ANKHD1: variants seen among roughly 807,000 people sequenced by gnomAD.
ANKHD1 encodes ankyrin repeat and KH domain containing 1.
A neutral mutation model predicts 230.5 loss-of-function variants in ANKHD1; 31 were observed. The ratio of observed to expected loss-of-function variants is 0.13; its 90% CI spans 0.10 to 0.18. ANKHD1 has a LOEUF of 0.18. Ranked by LOEUF, ANKHD1 falls within the 10% of genes least tolerant of loss-of-function variation. The pLI, the probability that ANKHD1 is intolerant of heterozygous loss-of-function variation, is 1.00. For missense variants in ANKHD1, 2,256 were observed against 3,071.3 expected, an observed-to-expected ratio of 0.73 and a Z score of 6.27; for synonymous variants, 1,074 against 1,117.6, an observed-to-expected ratio of 0.96 and a Z score of 0.78.
intron 3 of ANKHD1, 143 bp downstream of exon 3, chr5:140,438,760 G>GTA (rs1403916912): frequency 8.7e-7 from 1 of 1,146,314 alleles, no homozygotes; most frequent in Non-Finnish European, 1.2e-6. Flanking sequence ...ATATATAAAT[G>GTA]TATATGTATT....
At chr5:140,427,378 C>G (rs1194084579) in intron 1 of ANKHD1, among the ~76,000 whole-genome samples, 9 of 73,330 alleles carry the variant, frequency 1.2e-4, no homozygotes, top group South Asian at 1.1e-3. Context: ...GGGGCTGACC[C>G]CCCCCCACCT....
intron 1 of ANKHD1, among the ~76,000 whole-genome samples, chr5:140,410,777 A>G (rs1027243198): frequency 6.6e-6 from 1 of 152,138 alleles, no homozygotes; most frequent in African/African-American, 2.4e-5. Context: ...TGCTTATTAT[A>G]TACCAGTACC....
At chr5:140,498,692 T>C (rs991470212) in intron 15 of ANKHD1, among the ~76,000 whole-genome samples, 1 of 152,172 alleles carries the variant, frequency 6.6e-6, no homozygotes, top group Non-Finnish European at 1.5e-5. Context: ...AAACAGATTT[T>C]AGAATGTGAA....
chr5:140,486,071 G>GTT (rs960695753), intron 13 of ANKHD1: 154 of 213,864 alleles, frequency 7.2e-4, no homozygotes, highest in South Asian at 1.3e-3. Context: ...TTTTTCTTTT[G>GTT]TTTTTTTTTT....
At chr5:140,476,005 A>G (rs1306166493) in intron 10 of ANKHD1, among the ~76,000 whole-genome samples, 1 of 152,218 alleles carries the variant, frequency 6.6e-6, no homozygotes, top group Non-Finnish European at 1.5e-5. Context: ...ACCAGTAGCC[A>G]TAAAACAATG....
rs1754162311 is a variant in ANKHD1, at chr5:140,538,184, A to G, written c.7327A>G (p.Arg2443Gly). ...ATTCTCCCAACATCAGCCAATGGAG[A>G]GAGATGATTCTGGAATGGTAGCCCC... ...STFSQHQPME[R>G]DDSGMVAPSN... The change falls in exon 32 of 34, where the codon AGA becomes GGA. Residue 2443 changes from arginine to glycine, a missense_variant. This residue lies in a region of ANKHD1 where 778 missense variants were observed against 966.5 expected (regional missense o/e 0.80). Transcript: ENST00000360839. The G allele has an allele frequency of 1.9e-6, 3 of 1,614,080 alleles. No individual in the cohort carries two copies. Among genetic ancestry groups the G allele is most frequent in the Non-Finnish European group, 2.5e-6 (3 of 1,180,044 alleles).
intron 1 of ANKHD1, among the ~76,000 whole-genome samples, chr5:140,415,766 T>A (rs930738955): frequency 6.6e-6 from 1 of 152,004 alleles, no homozygotes; most frequent in African/African-American, 2.4e-5. Context: ...GTTAATTTTT[T>A]AAAATTTATT....
chr5:140,523,101 C>CT (rs1309087623), intron 24 of ANKHD1, among the ~76,000 whole-genome samples: 34 of 88,676 alleles, frequency 3.8e-4, no homozygotes, highest in East Asian at 6.6e-4. Flanking sequence ...TAATTTTTTT[C>CT]TTTTTCCTTT....
chr5:140,451,387 C>G (rs1036816701), intron 7 of ANKHD1, among the ~76,000 whole-genome samples: 1 of 152,016 alleles, frequency 6.6e-6, no homozygotes. Context: ...ATTAGTAAAA[C>G]TGAAATTTTA....
chr5:140,428,167 G>C (rs1258120092), intron 1 of ANKHD1, among the ~76,000 whole-genome samples: 3 of 151,234 alleles, frequency 2.0e-5, no homozygotes, highest in Non-Finnish European at 1.5e-5. Context: ...CAGCCAGGCA[G>C]AGGGGCTCCT....
intron 25 of ANKHD1, 100 bp downstream of exon 25, chr5:140,524,340 ATTACT>A (rs1392887647): frequency 3.6e-6 from 5 of 1,399,288 alleles, no homozygotes; most frequent in Non-Finnish European, 3.7e-6. Flanking sequence ...TAAACATTTG[ATTACT>A]TTATTAATCT....
At chr5:140,519,526 T>C (rs1470825847) in intron 24 of ANKHD1, among the ~76,000 whole-genome samples, 1 of 152,190 alleles carries the variant, frequency 6.6e-6, no homozygotes, top group Non-Finnish European at 1.5e-5. Flanking sequence ...GACTTCCAAC[T>C]ATACTACAAG....
At chr5:140,467,996 T>G (rs1183831475) in intron 10 of ANKHD1, among the ~76,000 whole-genome samples, 1 of 151,130 alleles carries the variant, frequency 6.6e-6, no homozygotes, top group South Asian at 2.1e-4. Context: ...GGAGATGTAT[T>G]TCATTCCTGG....
intron 6 of ANKHD1, among the ~76,000 whole-genome samples, chr5:140,447,711 C>T (rs988074214): frequency 4.6e-5 from 7 of 152,122 alleles, no homozygotes; most frequent in Non-Finnish European, 8.8e-5. Flanking sequence ...CTCTGCTATC[C>T]TAGTATGTGG....
chr5:140,464,475 C>A (rs1331811265), intron 9 of ANKHD1, among the ~76,000 whole-genome samples, 192 bp from the exon 10 acceptor site: 3 of 152,134 alleles, frequency 2.0e-5, no homozygotes, highest in African/African-American at 7.2e-5. Flanking sequence ...GTTTTAAAAT[C>A]ATTTGGTTTA....
chr5:140,499,126 G>T (rs1170824988), intron 15 of ANKHD1, among the ~76,000 whole-genome samples: 3 of 151,862 alleles, frequency 2.0e-5, no homozygotes, highest in Non-Finnish European at 2.9e-5. Flanking sequence ...TTATCTTCAT[G>T]TAAAAACTTC....
intron 1 of ANKHD1, among the ~76,000 whole-genome samples, chr5:140,408,922 T>A (rs1770700460): frequency 1.3e-5 from 2 of 152,164 alleles, no homozygotes; most frequent in African/African-American, 4.8e-5. Context: ...GAGCAGTTTC[T>A]CAAGAGCAAC....
chr5:140,420,825 G>A (rs1023199126), intron 1 of ANKHD1, among the ~76,000 whole-genome samples: 3 of 152,054 alleles, frequency 2.0e-5, no homozygotes, highest in African/African-American at 7.2e-5. Context: ...ATTGGTTATT[G>A]GTTATATTCT....
intron 15 of ANKHD1, among the ~76,000 whole-genome samples, chr5:140,500,675 G>GAAAAT (rs1752256941): frequency 7.5e-6 from 1 of 134,054 alleles, no homozygotes; most frequent in Non-Finnish European, 1.6e-5. Flanking sequence ...AAAAAGAAAA[G>GAAAAT]AAAAACTGAA....
Sources: gnomAD v4.1 joint callset for allele counts (sites outside exome capture counted in the v4.1 genomes callset) on GRCh38, gnomAD v4.1.1 for gene constraint, gnomAD v4.1.1 regional missense constraint, MANE v1.5 for transcripts, NCBI Gene and HGNC (gene_info 2026-07-23, HGNC 2026-07-21) for gene names.